TMED10: variants seen among roughly 807,000 people sequenced by gnomAD.
TMED10 encodes the protein transmembrane p24 trafficking protein 10.
TMED10 carries 7 observed loss-of-function variants against 23.1 expected under a neutral mutation model. The ratio of observed to expected loss-of-function variants is 0.30; its 90% confidence interval spans 0.17 to 0.57. The LOEUF (loss-of-function observed/expected upper bound fraction) is 0.57. Ranked by LOEUF, TMED10 falls within the 20% of genes least tolerant of loss-of-function variation. The pLI, the probability that TMED10 is intolerant of heterozygous loss-of-function variation, is 0.91. For synonymous variants in TMED10, 113 were observed against 106.9 expected (o/e 1.06, Z -0.35); for missense variants, 162 against 274.8 (o/e 0.59, Z 2.90).
intron 1 of TMED10, among the ~76,000 whole-genome samples, chr14:75,165,478 A>C (rs1007222958): frequency 1.3e-5 from 2 of 152,126 alleles, no homozygotes; most frequent in African/African-American, 4.8e-5. Flanking sequence ...CTCCCACCTC[A>C]GCCTCCCAAA....
chr14:75,140,171 TC>T (rs1895804258), intron 3 of TMED10, among the ~76,000 whole-genome samples: 1 of 152,116 alleles, frequency 6.6e-6, no homozygotes, highest in African/African-American at 2.4e-5. Context: ...TGTTGTTTAT[TC>T]TTTTTGAGAT....
intron 3 of TMED10, among the ~76,000 whole-genome samples, chr14:75,141,963 G>A (rs1895827485): frequency 6.6e-6 from 1 of 152,166 alleles, no homozygotes; most frequent in Admixed American, 6.5e-5. Flanking sequence ...ATAGCATTGA[G>A]GCTTTATATC....
At chr14:75,168,651 C>T (rs1036219215) in intron 1 of TMED10, among the ~76,000 whole-genome samples, 3 of 152,156 alleles carry the variant, frequency 2.0e-5, no homozygotes, top group Admixed American at 2.0e-4. Flanking sequence ...CCCTGCAAGA[C>T]CCACATAACC....
At chr14:75,169,941 GGAAC>G (rs1896210637) in intron 1 of TMED10, among the ~76,000 whole-genome samples, 1 of 151,920 alleles carries the variant, frequency 6.6e-6, no homozygotes, top group Admixed American at 6.6e-5. Context: ...AAGAAAAAGT[GGAAC>G]GGCCGGGCGT....
intron 1 of TMED10, among the ~76,000 whole-genome samples, chr14:75,153,326 A>G (rs1895978428): frequency 6.6e-6 from 1 of 152,008 alleles, no homozygotes; most frequent in African/African-American, 2.4e-5. Context: ...AAAAAAAAAA[A>G]GGTATCTTTG....
chr14:75,152,265 A>G (rs1297800035), intron 1 of TMED10, 122 bp from the exon 2 acceptor site: 1 of 739,500 alleles, frequency 1.4e-6, no homozygotes, highest in Admixed American at 2.9e-5. Flanking sequence ...TATGATGACT[A>G]TGTTCCAACC....
At chr14:75,158,602 C>T (rs1896049773) in intron 1 of TMED10, among the ~76,000 whole-genome samples, 2 of 151,712 alleles carry the variant, frequency 1.3e-5, no homozygotes, top group South Asian at 4.2e-4. Flanking sequence ...GCTGAAATTA[C>T]AGGCATGAGC....
chr14:75,171,958 T>C lies in TMED10; in HGVS notation c.225+4397A>G, dbSNP rs116964897. On this transcript the variant is annotated intron_variant, in intron 1 of 4. Transcript: ENST00000303575. ...TTTTTTTTTTTTACACTTTAAGTTC[T>C]GGAGGGGTACATGTGCAGAACGTGC... Among the ~76,000 whole-genome samples, 1,258 of 151,988 alleles carry C rather than the reference T, an allele frequency of 8.3e-3. 9 individuals are homozygous for C. The highest frequency in any genetic ancestry group is 0.013 in the Non-Finnish European group (853 of 67,978).
At chr14:75,162,635 A>G (rs1896098703) in intron 1 of TMED10, among the ~76,000 whole-genome samples, 1 of 152,152 alleles carries the variant, frequency 6.6e-6, no homozygotes, top group South Asian at 2.1e-4. Flanking sequence ...TCTGTAGTGG[A>G]CTGACCAAAA....
intron 3 of TMED10, chr14:75,139,046 G>A (rs1190584184): frequency 2.5e-6 from 1 of 406,600 alleles, no homozygotes; most frequent in Non-Finnish European, 4.8e-6. Flanking sequence ...CTATCCAGAA[G>A]CAAAGAGAAT....
intron 1 of TMED10, among the ~76,000 whole-genome samples, chr14:75,152,382 G>A (rs1895965142): frequency 1.3e-5 from 2 of 152,224 alleles, no homozygotes; most frequent in African/African-American, 4.8e-5. Flanking sequence ...TGCTGCTATA[G>A]GATGTCTTAC....
chr14:75,161,260 T>A (rs1594872210), intron 1 of TMED10, among the ~76,000 whole-genome samples: 1 of 152,112 alleles, frequency 6.6e-6, no homozygotes, highest in Non-Finnish European at 1.5e-5. Flanking sequence ...TCTCATTCCT[T>A]TACCAAACAT....
chr14:75,137,514 TA>T (rs1214366100), intron 3 of TMED10, among the ~76,000 whole-genome samples: 121 of 135,342 alleles, frequency 8.9e-4, no homozygotes, highest in Non-Finnish European at 8.5e-4. Context: ...CTACTAAAAA[TA>T]AAAAAAAAAA....
At chr14:75,159,572 A>G (rs1171289222) in intron 1 of TMED10, among the ~76,000 whole-genome samples, 1 of 152,250 alleles carries the variant, frequency 6.6e-6, no homozygotes, top group Non-Finnish European at 1.5e-5. Context: ...TTTTCCTCCA[A>G]GATATGAACA....
chr14:75,176,312 C>A, intron 1 of TMED10, 43 bp downstream of exon 1: 1 of 1,609,990 alleles, frequency 6.2e-7, no homozygotes, highest in South Asian at 1.1e-5. Context: ...CTCGCCTAAG[C>A]CTGCCGTCTT....
intron 1 of TMED10, among the ~76,000 whole-genome samples, chr14:75,166,811 G>A (rs113247862): frequency 3.9e-5 from 6 of 152,194 alleles, no homozygotes; most frequent in South Asian, 2.1e-4. Flanking sequence ...CAACAGTCAC[G>A]TTAAATTCAC....
intron 1 of TMED10, among the ~76,000 whole-genome samples, chr14:75,171,892 C>A (rs1361984338): frequency 4.6e-5 from 7 of 152,032 alleles, no homozygotes; most frequent in Non-Finnish European, 4.4e-5. Context: ...TGCAGTGACA[C>A]CCTCGACAGA....
intron 2 of TMED10, 197 bp from the exon 3 acceptor site, chr14:75,147,934 C>T (rs1187387843): frequency 1.6e-6 from 1 of 616,430 alleles, no homozygotes; most frequent in African/African-American, 1.8e-5. Context: ...AAGCCTCTAT[C>T]TGTGTGGGGT....
At chr14:75,147,545 A>T in intron 3 of TMED10, 119 bp downstream of exon 3, 1 of 1,054,902 alleles carries the variant, frequency 9.5e-7, no homozygotes, top group Non-Finnish European at 1.5e-6. Context: ...TGGCTGTCAC[A>T]AGACTGCTAA....
Sources: allele counts gnomAD v4.1 joint callset (sites outside exome capture counted in the v4.1 genomes callset), GRCh38; gene constraint gnomAD v4.1.1; transcripts MANE v1.5; gene names NCBI Gene and HGNC (gene_info 2026-07-23, HGNC 2026-07-21).